IL20RB: variants seen among roughly 807,000 people sequenced by gnomAD.
IL20RB encodes interleukin 20 receptor subunit beta, also known as interleukin-20 receptor subunit beta.
IL20RB carries 21 observed loss-of-function variants against 33.3 expected under a neutral mutation model. The observed-to-expected ratio is 0.63, with a 90% CI of 0.45 to 0.91. The LOEUF is 0.91. Among genes scored for constraint, IL20RB ranks in the 40% least tolerant of loss-of-function variants. The pLI is 0.00. For synonymous variants in IL20RB, 147 were observed against 146.8 expected, an observed-to-expected ratio of 1.00 and a Z score of -0.01; for missense variants, 345 against 384.8, an observed-to-expected ratio of 0.90 and a Z score of 0.86.
At chr3:136,975,776 A>T (rs112279310) in intron 1 of IL20RB, among the ~76,000 whole-genome samples, 2 of 152,154 alleles carry the variant, frequency 1.3e-5, no homozygotes, top group Non-Finnish European at 2.9e-5. Flanking sequence ...ACAGGCCCCA[A>T]TTGTGGCAGT....
At chr3:136,993,781 G>A (rs1363003881) in intron 5 of IL20RB, among the ~76,000 whole-genome samples, 1 of 152,146 alleles carries the variant, frequency 6.6e-6, no homozygotes, top group Non-Finnish European at 1.5e-5. Flanking sequence ...GGGAGGCCGA[G>A]ACAGGTGGAT....
intron 1 of IL20RB, among the ~76,000 whole-genome samples, chr3:136,979,220 A>T (rs2108195203): frequency 6.6e-6 from 1 of 152,258 alleles, no homozygotes; most frequent in Admixed American, 6.5e-5. Context: ...GTTTCCCCAC[A>T]GAACAGACCA....
intron 3 of IL20RB, among the ~76,000 whole-genome samples, chr3:136,987,477 TAA>T (rs1941932562): frequency 6.6e-6 from 1 of 151,910 alleles, no homozygotes; most frequent in Non-Finnish European, 1.5e-5. Flanking sequence ...GAGCTAGACA[TAA>T]AGATTCTCCA....
chr3:136,978,672 G>C (rs1330990764), intron 1 of IL20RB, among the ~76,000 whole-genome samples: 4 of 152,088 alleles, frequency 2.6e-5, no homozygotes, highest in African/African-American at 9.7e-5. Context: ...TACTGAATTT[G>C]GATTGCTATA....
intron 1 of IL20RB, among the ~76,000 whole-genome samples, chr3:136,970,567 T>C (rs1011838386): frequency 1.1e-4 from 16 of 152,184 alleles, no homozygotes; most frequent in African/African-American, 3.6e-4. Context: ...TTGGGTAGAT[T>C]GATTCCTCTC....
intron 5 of IL20RB, 97 bp from the exon 6 acceptor site, chr3:136,995,317 T>C (rs1221607457): frequency 1.0e-5 from 14 of 1,390,538 alleles, no homozygotes; most frequent in African/African-American, 1.4e-5. Flanking sequence ...TCTTAGCCAA[T>C]GTGCAGAGTC....
At chr3:137,002,897 C>T (rs892632180) in intron 6 of IL20RB, among the ~76,000 whole-genome samples, 2 of 152,108 alleles carry the variant, frequency 1.3e-5, no homozygotes, top group African/African-American at 2.4e-5. Flanking sequence ...ACTTTTATGG[C>T]TTTAGGTCTA....
intron 2 of IL20RB, 96 bp from the exon 3 acceptor site, chr3:136,982,063 CT>C (rs1941787925): frequency 8.9e-6 from 7 of 790,668 alleles, no homozygotes; most frequent in Non-Finnish European, 1.4e-5. Context: ...TTTTACTTAC[CT>C]GTACAAAGTA....
Position 136,992,236 on chromosome 3 carries a change from A to T in IL20RB, c.682+148A>T, listed in dbSNP as rs912512452. 5 of 824,734 alleles carry T rather than the reference A, an allele frequency of 6.1e-6. No homozygotes were observed. The African/African-American group carries it at 8.7e-5, about 14-fold the overall frequency. 51.1% of individuals were successfully genotyped at this position (824,734 alleles called of 1,614,324 possible). The stretch of plus-strand genomic sequence containing the variant: ...GGACTGGGTGGGTTCCCATAGTGAA[A>T]TTATGTTTGTGAATCTGATTCCCCT... On this transcript the variant is annotated intron_variant, in intron 5 of 6. Transcript: ENST00000329582.
intron 1 of IL20RB, among the ~76,000 whole-genome samples, chr3:136,975,608 A>T (rs1187613860): frequency 6.6e-6 from 1 of 152,184 alleles, no homozygotes; most frequent in Non-Finnish European, 1.5e-5. Context: ...AAGTGCTGGG[A>T]TTACAGGCAT....
At chr3:136,962,991 T>C (rs1172884629) in intron 1 of IL20RB, among the ~76,000 whole-genome samples, 1 of 152,152 alleles carries the variant, frequency 6.6e-6, no homozygotes, top group Non-Finnish European at 1.5e-5. Context: ...TATGGTTATG[T>C]ACATATGGAG....
intron 6 of IL20RB, among the ~76,000 whole-genome samples, chr3:137,007,049 G>A (rs1161797145): frequency 6.6e-6 from 1 of 152,200 alleles, no homozygotes; most frequent in African/African-American, 2.4e-5. Context: ...GTCTATTGGA[G>A]TTTGCTGGAG....
chr3:136,960,138 CTTTTTTTTT>C (rs10540948), intron 1 of IL20RB, among the ~76,000 whole-genome samples: 1 of 36,148 alleles, frequency 2.8e-5, no homozygotes, highest in Non-Finnish European at 4.9e-5. Context: ...AGAGTTGTGG[CTTTTTTTTT>C]TTTTTTTTTT....
In IL20RB at chr3:136,980,650, A is replaced by C. The variant is rs1272077239; in HGVS notation, c.215+58A>C. 1.9e-6 allele frequency: 3 copies of C among 1,601,064 alleles called. No homozygotes were observed. In the Admixed American group the frequency reaches 5.0e-5, roughly 27 times the overall value. On this transcript the variant is annotated intron_variant, in intron 2 of 6. Transcript: ENST00000329582. ...TAAGCAGAAGTTGGTTCCTGAAGGC[A>C]TAGCCCTTCCTCCTGAGCCCAAGGT...
At chr3:136,984,041 G>A (rs563088031) in intron 3 of IL20RB, among the ~76,000 whole-genome samples, 68 of 152,222 alleles carry the variant, frequency 4.5e-4, no homozygotes, top group Non-Finnish European at 3.4e-4. Context: ...GTTTCACCAT[G>A]TTGCCCAGGC....
chr3:137,009,037 C>A (rs542116248), intron 6 of IL20RB, among the ~76,000 whole-genome samples: 3 of 152,164 alleles, frequency 2.0e-5, no homozygotes, highest in Non-Finnish European at 4.4e-5. Flanking sequence ...ACACTAACAC[C>A]CCCGCTTAGT....
chr3:136,969,748 C>G (rs1241361648), intron 1 of IL20RB, among the ~76,000 whole-genome samples: 1 of 152,156 alleles, frequency 6.6e-6, no homozygotes, highest in Non-Finnish European at 1.5e-5. Flanking sequence ...TCTCTAGATA[C>G]TAGTTCTTTG....
chr3:136,988,225 G>A (rs1007869743), intron 3 of IL20RB, among the ~76,000 whole-genome samples: 1 of 152,166 alleles, frequency 6.6e-6, no homozygotes, highest in Admixed American at 6.5e-5. Flanking sequence ...AGTGATCAGG[G>A]TGGCCCTTCT....
At chr3:136,989,217 T>C (rs1045194975) in intron 3 of IL20RB, among the ~76,000 whole-genome samples, 5 of 152,252 alleles carry the variant, frequency 3.3e-5, no homozygotes, top group African/African-American at 4.8e-5. Flanking sequence ...ATAGCATTTG[T>C]CATTTGTTTC....
Sources: gnomAD v4.1 joint callset for allele counts (sites outside exome capture counted in the v4.1 genomes callset) on GRCh38, gnomAD v4.1.1 for gene constraint, MANE v1.5 for transcripts, NCBI Gene and HGNC (gene_info 2026-07-23, HGNC 2026-07-21) for gene names.